Variants in NLGN1 observed in about 807,000 individuals in gnomAD.
NLGN1 encodes the protein neuroligin-1.
NLGN1 carries 12 observed loss-of-function variants against 65.5 expected under a neutral mutation model. The observed-to-expected ratio is 0.18, with a 90% CI of 0.12 to 0.30. The LOEUF (loss-of-function observed/expected upper bound fraction) is 0.30. NLGN1 is among the 10% of genes least tolerant of loss of function. The pLI is 1.00. For synonymous variants in NLGN1, 350 were observed against 359.5 expected, an observed-to-expected ratio of 0.97 and a Z score of 0.30; for missense variants, 750 against 1,007.1, an observed-to-expected ratio of 0.74 and a Z score of 3.46.
intron 2 of NLGN1, among the ~76,000 whole-genome samples, chr3:173,451,247 G>A (rs1288032870): frequency 1.3e-5 from 2 of 152,214 alleles, no homozygotes; most frequent in South Asian, 2.1e-4. Context: ...TGGTGTGGAT[G>A]TCCTTTCTGT....
intron 2 of NLGN1, among the ~76,000 whole-genome samples, chr3:173,462,308 A>G (rs570359088): frequency 2.2e-4 from 34 of 152,286 alleles, no homozygotes; most frequent in African/African-American, 7.7e-4. Flanking sequence ...TATTGAAAAT[A>G]AGCAAGGTAC....
chr3:173,950,847 A>C (rs1748072377), intron 4 of NLGN1, among the ~76,000 whole-genome samples: 1 of 151,344 alleles, frequency 6.6e-6, no homozygotes. Flanking sequence ...CAAAATAAAT[A>C]TGTTATTAAT....
At chr3:173,858,507 G>A (rs1728446050) in intron 4 of NLGN1, among the ~76,000 whole-genome samples, 2 of 152,006 alleles carry the variant, frequency 1.3e-5, no homozygotes, top group Admixed American at 1.3e-4. Flanking sequence ...ATATTAGGGT[G>A]CCTTGCCATT....
chr3:173,896,117 C>A (rs1736312651), intron 4 of NLGN1, among the ~76,000 whole-genome samples: 1 of 152,160 alleles, frequency 6.6e-6, no homozygotes, highest in Admixed American at 6.5e-5. Flanking sequence ...TCCATTGGTT[C>A]CACTCAGATT....
At position 173,830,694 on chromosome 3, in the gene NLGN1, T is replaced by C. The variant is rs576065590; in HGVS notation, c.646+22862T>C. On this transcript the variant is annotated intron_variant, in intron 4 of 6. Coordinates refer to ENST00000457714, the Ensembl canonical transcript of NLGN1. ...TAATTCAGGAAAAAATAAAAAATCT[T>C]CTAGAATTCAAAATAATATAAGCTA... is the stretch of plus-strand genomic sequence containing the variant. 6.6e-5 allele frequency among the ~76,000 whole-genome samples: 10 copies of C among 152,310 alleles called. No homozygotes were observed. The South Asian group carries it at 1.9e-3, about 28-fold the overall frequency.
At chr3:174,210,392 T>C (rs1736236801) in intron 4 of NLGN1, among the ~76,000 whole-genome samples, 1 of 152,242 alleles carries the variant, frequency 6.6e-6, no homozygotes, top group Non-Finnish European at 1.5e-5. Context: ...ACAATATTTA[T>C]ACAACAAATA....
At chr3:174,086,461 AT>A (rs1449630935) in intron 4 of NLGN1, among the ~76,000 whole-genome samples, 1 of 151,410 alleles carries the variant, frequency 6.6e-6, no homozygotes, top group Non-Finnish European at 1.5e-5. Context: ...AAGAAATCAC[AT>A]ATGTAAAAAT....
intron 4 of NLGN1, among the ~76,000 whole-genome samples, chr3:173,989,699 C>T (rs573218448): frequency 5.9e-5 from 9 of 152,214 alleles, no homozygotes; most frequent in East Asian, 1.9e-4. Context: ...GCAGTCTTAC[C>T]GCAGGTGCAT....
rs934048950 is a variant in NLGN1, at chr3:173,648,867, G to T, written c.493+43776G>T. The stretch of plus-strand genomic sequence containing the variant: ...TGGGATTACAGGCATGAGCCACCAC[G>T]CTCAGCCCTACTATAAGATCCAACC... On this transcript the variant is annotated intron_variant, in intron 3 of 6. Transcript: ENST00000457714. Among the ~76,000 whole-genome samples, 4 of 152,020 alleles carry T rather than the reference G, an allele frequency of 2.6e-5. No homozygotes were observed. The East Asian group carries it at 7.7e-4, about 29-fold the overall frequency.
In NLGN1 at chr3:174,193,366, T is replaced by G. The variant is rs140210355; in HGVS notation, c.647-81949T>G. ...AAAAGCTTTTCACTTAAAACCCTCC[T>G]GCCAAAGTTGGGAGAGGGATTATTG... On this transcript the variant is annotated intron_variant, in intron 4 of 6. Transcript: ENST00000457714. Among the ~76,000 whole-genome samples the G allele has an allele frequency of 2.0e-5, 3 of 152,286 alleles. No homozygotes were observed. The East Asian group carries it at 5.8e-4, about 29-fold the overall frequency.
At chr3:173,912,618 C>T (rs1197963353) in intron 4 of NLGN1, 1 of 151,886 alleles carries the variant, frequency 6.6e-6, no homozygotes, top group East Asian at 1.9e-4. Flanking sequence ...ATCCGCATTC[C>T]TAGAATTAGA....
chr3:173,479,910 G>A (rs1576893282), intron 2 of NLGN1, among the ~76,000 whole-genome samples: 1 of 152,244 alleles, frequency 6.6e-6, no homozygotes, highest in East Asian at 1.9e-4. Flanking sequence ...AGAAAGAGAA[G>A]TTGTTAAAGT....
At chr3:174,270,379 G>A (rs942916918) in intron 4 of NLGN1, among the ~76,000 whole-genome samples, 7 of 151,548 alleles carry the variant, frequency 4.6e-5, no homozygotes, top group African/African-American at 1.7e-4. Context: ...AGTTTTCCCA[G>A]CATCATTTGT....
rs553577517 is a variant in NLGN1, at chr3:174,181,266, A to G, written c.647-94049A>G. On this transcript the variant is annotated intron_variant, in intron 4 of 6. Transcript: ENST00000457714. ...GTACCTACCTGTGTCTTTTATGTCC[A>G]TAAGTCTGCTTTCTCCCTGCCTTTT... 3.9e-5 allele frequency among the ~76,000 whole-genome samples: 6 copies of G among 152,274 alleles called. No homozygotes were observed. In the East Asian group the frequency reaches 7.7e-4, roughly 20 times the overall value.
chr3:173,736,197 T>C (rs7614177), intron 3 of NLGN1, among the ~76,000 whole-genome samples: 12,807 of 152,084 alleles, frequency 0.084, 511 homozygotes, highest in Middle Eastern at 0.13. Flanking sequence ...TAATACAGTA[T>C]ATAGAAGTGA....
chr3:173,495,075 TC>T lies in NLGN1; in HGVS notation c.-321+59998del, dbSNP rs532796303. 3.7e-3 allele frequency among the ~76,000 whole-genome samples: 569 copies of T among 151,984 alleles called. 3 individuals are homozygous for T. Among genetic ancestry groups the T allele is most frequent in the Non-Finnish European group, 5.7e-3 (390 of 67,958 alleles). On this transcript the variant is annotated intron_variant, in intron 2 of 6. Transcript: ENST00000457714. ...ACTAGAGTTATTAAGTTTTGTTGAA[TC>T]TTTTGTAATTTGAGGATCATTACTA...
At chr3:174,126,782 G>C (rs902740336) in intron 4 of NLGN1, among the ~76,000 whole-genome samples, 2 of 152,200 alleles carry the variant, frequency 1.3e-5, no homozygotes, top group East Asian at 1.9e-4. Flanking sequence ...CCTTTTCCAT[G>C]TACCTAATCT....
intron 4 of NLGN1, among the ~76,000 whole-genome samples, chr3:173,961,639 A>G (rs1336715339): frequency 2.6e-5 from 4 of 152,102 alleles, no homozygotes; most frequent in Non-Finnish European, 5.9e-5. Context: ...ATCTTAAAGA[A>G]AAACCATATG....
intron 4 of NLGN1, among the ~76,000 whole-genome samples, chr3:173,886,394 GAA>G (rs1734337344): frequency 6.6e-6 from 1 of 151,980 alleles, no homozygotes; most frequent in African/African-American, 2.4e-5. Context: ...GGTATAAAAA[GAA>G]GAAGAAGCAA....
Sources: allele counts gnomAD v4.1 joint callset (sites outside exome capture counted in the v4.1 genomes callset), GRCh38; gene constraint gnomAD v4.1.1; transcripts MANE v1.5; gene names NCBI Gene and HGNC (gene_info 2026-07-23, HGNC 2026-07-21).